KCNIP4: variants seen among roughly 807,000 people sequenced by gnomAD.
The protein encoded by KCNIP4 is potassium voltage-gated channel interacting protein 4, also known as Kv channel-interacting protein 4.
In KCNIP4, 12 loss-of-function variants were observed where a neutral mutation model predicts 34.0. The ratio of observed to expected loss-of-function variants is 0.35; its 90% confidence interval spans 0.23 to 0.57. The LOEUF is 0.57. KCNIP4 is among the 20% of genes least tolerant of loss of function. KCNIP4 has a pLI of 0.83. For missense variants in KCNIP4, 238 were observed against 311.7 expected (o/e 0.76, Z 1.78); for synonymous variants, 124 against 102.2 (o/e 1.21, Z -1.29).
chr4:21,649,893 G>A (rs1460059443), intron 1 of KCNIP4, among the ~76,000 whole-genome samples: 2 of 152,188 alleles, frequency 1.3e-5, no homozygotes, highest in Non-Finnish European at 1.5e-5. Context: ...ATTTACAAGA[G>A]TGAGTGAGGG....
intron 1 of KCNIP4, among the ~76,000 whole-genome samples, chr4:20,997,693 A>G (rs1001701621): frequency 2.6e-5 from 4 of 152,166 alleles, no homozygotes; most frequent in Admixed American, 2.0e-4. Context: ...CCCAACTCCC[A>G]GTCTTCAAGT....
chr4:21,581,861 T>C (rs1035439348), intron 1 of KCNIP4, among the ~76,000 whole-genome samples: 1 of 151,960 alleles, frequency 6.6e-6, no homozygotes, highest in African/African-American at 2.4e-5. Context: ...TTACACAGAA[T>C]GTTTTTCAAA....
intron 1 of KCNIP4, among the ~76,000 whole-genome samples, chr4:21,674,648 T>C (rs1437357757): frequency 1.3e-5 from 2 of 152,168 alleles, no homozygotes; most frequent in East Asian, 1.9e-4. Context: ...AATCAAGAAG[T>C]AGAACTTGTT....
intron 1 of KCNIP4, among the ~76,000 whole-genome samples, chr4:21,694,046 A>C (rs1268945550): frequency 6.6e-6 from 1 of 152,212 alleles, no homozygotes; most frequent in Non-Finnish European, 1.5e-5. Context: ...ATGTCAAAAC[A>C]ACCTTCAAAT....
At chr4:21,159,249 T>C (rs909086375) in intron 1 of KCNIP4, among the ~76,000 whole-genome samples, 3 of 152,174 alleles carry the variant, frequency 2.0e-5, no homozygotes, top group Non-Finnish European at 2.9e-5. Flanking sequence ...GTGTGTGTCA[T>C]TGGTGTAATA....
At chr4:21,798,056 A>C (rs768055615) in intron 1 of KCNIP4, among the ~76,000 whole-genome samples, 3 of 152,024 alleles carry the variant, frequency 2.0e-5, no homozygotes, top group African/African-American at 4.8e-5. Context: ...AGCATCTTAT[A>C]GTTGCAATTC....
chr4:20,944,038 T>A (rs952912943), intron 1 of KCNIP4, among the ~76,000 whole-genome samples: 4 of 152,180 alleles, frequency 2.6e-5, no homozygotes, highest in African/African-American at 9.6e-5. Flanking sequence ...TACCTAAAAC[T>A]CAGTTTCCTT....
At chr4:21,203,842 A>G (rs987916778) in intron 1 of KCNIP4, among the ~76,000 whole-genome samples, 1 of 152,246 alleles carries the variant, frequency 6.6e-6, no homozygotes, top group African/African-American at 2.4e-5. Context: ...GGACTCACTT[A>G]CATTTGCTGA....
At chr4:21,760,705 T>C (rs928951491) in intron 1 of KCNIP4, among the ~76,000 whole-genome samples, 9 of 152,138 alleles carry the variant, frequency 5.9e-5, no homozygotes, top group African/African-American at 2.2e-4. Flanking sequence ...TCTAAATTTC[T>C]GTCAAGTATT....
intron 1 of KCNIP4, among the ~76,000 whole-genome samples, chr4:21,002,431 C>T (rs1738214391): frequency 6.6e-6 from 1 of 152,196 alleles, no homozygotes; most frequent in African/African-American, 2.4e-5. Context: ...AATACTCGTA[C>T]TCCATTCACT....
At position 20,729,354 on chromosome 4, in the gene KCNIP4, AAGAAAGATTGAAC is replaced by A. The variant is rs1747157862; in HGVS notation, c.*715_*727del. On this transcript the variant is annotated 3_prime_UTR_variant, in exon 9 of 9. Coordinates refer to ENST00000382152, the MANE Select transcript of KCNIP4 (RefSeq NM_025221.6). The stretch of plus-strand genomic sequence containing the variant: ...ATTGATACAATAGAAAACAGCCTGT[AAGAAAGATTGAAC>A]AAATCCAAAATTATTATATAGGCCT... 1 of 151,734 alleles carries A rather than the reference AAGAAAGATTGAAC, an allele frequency of 6.6e-6. No individual in the cohort carries two copies. Among genetic ancestry groups the A allele is most frequent in the Admixed American group, 6.6e-5 (1 of 15,210 alleles). The allele number at this position is 151,734 out of a possible 1,614,324, so 9.4% of individuals were successfully genotyped here.
rs185075202 is a variant in KCNIP4, at chr4:20,891,677, G to A, written c.62-8968C>T. Among the ~76,000 whole-genome samples the A allele has an allele frequency of 3.0e-3, 461 of 152,252 alleles. 2 individuals carry two copies. The highest frequency in any genetic ancestry group is 5.3e-3 in the Non-Finnish European group (359 of 68,020). ...CTGTGATCCCATCTGTGTTCTTTGA[G>A]TCAGTGACAAGCTGATTCATCAGTA... On this transcript the variant is annotated intron_variant, in intron 1 of 8. Coordinates refer to ENST00000382152, the MANE Select transcript of KCNIP4 (RefSeq NM_025221.6).
intron 1 of KCNIP4, among the ~76,000 whole-genome samples, chr4:21,627,615 C>A (rs981260337): frequency 6.6e-6 from 1 of 152,004 alleles, no homozygotes; most frequent in African/African-American, 2.4e-5. Flanking sequence ...AAGATTTTAT[C>A]TGGAAAAAAA....
chr4:21,319,106 A>G (rs536831711), intron 1 of KCNIP4, among the ~76,000 whole-genome samples: 2 of 152,340 alleles, frequency 1.3e-5, no homozygotes, highest in South Asian at 4.1e-4. Context: ...CGAGGCGCGA[A>G]TTCTAGCCTG....
At chr4:21,353,297 T>C (rs187902308) in intron 1 of KCNIP4, among the ~76,000 whole-genome samples, 1 of 152,282 alleles carries the variant, frequency 6.6e-6, no homozygotes, top group African/African-American at 2.4e-5. Context: ...GAGGATGACT[T>C]TGACGAATTG....
chr4:20,867,960 T>A lies in KCNIP4; in HGVS notation c.163+14648A>T, dbSNP rs191749765. ...GTGCAGCACACCAACATGACACATG[T>A]ATACATATGTAACAAACCTGCACAT... On this transcript the variant is annotated intron_variant, in intron 2 of 8. Transcript: ENST00000382152. Among the ~76,000 whole-genome samples, 333 of 152,016 alleles carry A rather than the reference T, an allele frequency of 2.2e-3. 2 individuals carry two copies. The highest frequency in any genetic ancestry group is 3.7e-3 in the Admixed American group (57 of 15,240).
intron 1 of KCNIP4, among the ~76,000 whole-genome samples, chr4:21,607,878 A>G (rs1254153459): frequency 6.6e-6 from 1 of 152,090 alleles, no homozygotes; most frequent in Admixed American, 6.5e-5. Flanking sequence ...TAACAAAGCT[A>G]TTTCCATTGT....
At chr4:21,344,972 A>G (rs1717146750) in intron 1 of KCNIP4, among the ~76,000 whole-genome samples, 1 of 152,166 alleles carries the variant, frequency 6.6e-6, no homozygotes, top group South Asian at 2.1e-4. Flanking sequence ...ATGGTTTTAA[A>G]GATACATCCA....
At chr4:21,758,006 G>A (rs1717779548) in intron 1 of KCNIP4, among the ~76,000 whole-genome samples, 1 of 152,058 alleles carries the variant, frequency 6.6e-6, no homozygotes, top group Admixed American at 6.6e-5. Flanking sequence ...TGCAAAATGG[G>A]TATGACAATA....
Sources: allele counts gnomAD v4.1 joint callset (sites outside exome capture counted in the v4.1 genomes callset), GRCh38; gene constraint gnomAD v4.1.1; transcripts MANE v1.5; gene names NCBI Gene and HGNC (gene_info 2026-07-23, HGNC 2026-07-21).